CACNA2D3: variants seen among roughly 807,000 people sequenced by gnomAD.
The protein encoded by CACNA2D3 is voltage-dependent calcium channel subunit alpha-2/delta-3.
A neutral mutation model predicts 160.6 loss-of-function variants in CACNA2D3; 60 were observed. The observed-to-expected ratio is 0.37, with a 90% CI of 0.30 to 0.46. The LOEUF is 0.46. Among genes scored for constraint, CACNA2D3 ranks in the 20% least tolerant of loss-of-function variants. The pLI is 1.00. For missense variants in CACNA2D3, 1,205 were observed against 1,365.0 expected, an observed-to-expected ratio of 0.88 and a Z score of 1.85; for synonymous variants, 558 against 492.9, an observed-to-expected ratio of 1.13 and a Z score of -1.75.
intron 35 of CACNA2D3, among the ~76,000 whole-genome samples, chr3:55,039,714 C>G (rs994554107): frequency 6.6e-6 from 1 of 152,118 alleles, no homozygotes; most frequent in African/African-American, 2.4e-5. Flanking sequence ...TTCAAGGGAG[C>G]CTTGGTTTTG....
chr3:54,944,909 G>C (rs535362806), intron 27 of CACNA2D3, among the ~76,000 whole-genome samples: 1 of 151,762 alleles, frequency 6.6e-6, no homozygotes, highest in Non-Finnish European at 1.5e-5. Flanking sequence ...CAAGGTGAAG[G>C]CTCTCCCCAA....
At chr3:54,162,228 A>G (rs1700359201) in intron 2 of CACNA2D3, among the ~76,000 whole-genome samples, 1 of 152,190 alleles carries the variant, frequency 6.6e-6, no homozygotes, top group African/African-American at 2.4e-5. Flanking sequence ...TCATTGCGAA[A>G]AATAACCATT....
chr3:54,721,112 T>C (rs1424633264), intron 11 of CACNA2D3, among the ~76,000 whole-genome samples: 2 of 152,180 alleles, frequency 1.3e-5, no homozygotes, highest in African/African-American at 4.8e-5. Context: ...TTATAACATT[T>C]ATTCTCAATT....
chr3:54,271,073 CTGG>C (rs1420508607), intron 2 of CACNA2D3, among the ~76,000 whole-genome samples: 5 of 152,300 alleles, frequency 3.3e-5, no homozygotes, highest in African/African-American at 4.8e-5. Context: ...TAAGTGACAG[CTGG>C]TGGTAACAGA....
intron 2 of CACNA2D3, among the ~76,000 whole-genome samples, chr3:54,249,768 T>G (rs1243897992): frequency 1.4e-5 from 2 of 146,692 alleles, no homozygotes; most frequent in African/African-American, 5.1e-5. Flanking sequence ...AATTATGTTT[T>G]TTTTTTTTTT....
At chr3:54,471,173 C>T (rs1391095371) in intron 4 of CACNA2D3, among the ~76,000 whole-genome samples, 1 of 152,196 alleles carries the variant, frequency 6.6e-6, no homozygotes, top group Non-Finnish European at 1.5e-5. Context: ...AAACACTCCT[C>T]AGCAAATGCA....
chr3:54,849,231 GT>G (rs1025287100), intron 17 of CACNA2D3, among the ~76,000 whole-genome samples: 1 of 152,164 alleles, frequency 6.6e-6, no homozygotes. Flanking sequence ...AAGGTTGTTT[GT>G]TTGTTTTAAA....
chr3:54,692,621 G>A (rs572237463), intron 11 of CACNA2D3, among the ~76,000 whole-genome samples: 82 of 152,250 alleles, frequency 5.4e-4, no homozygotes, highest in African/African-American at 1.7e-3. Context: ...TGGATCCTAC[G>A]AAAATTTCTT....
chr3:54,801,125 T>TA (rs1167016904), intron 13 of CACNA2D3, among the ~76,000 whole-genome samples: 37 of 152,026 alleles, frequency 2.4e-4, no homozygotes, highest in South Asian at 2.1e-4. Flanking sequence ...TAGCTGGGAC[T>TA]ATAGGCACCC....
At chr3:54,745,244 G>A (rs946711390) in intron 11 of CACNA2D3, among the ~76,000 whole-genome samples, 27 of 151,948 alleles carry the variant, frequency 1.8e-4, no homozygotes, top group East Asian at 5.8e-4. Flanking sequence ...CAGGCTTAGC[G>A]TTGGACAGTC....
rs1310274532 is a variant in CACNA2D3 at position 54,452,469 on chromosome 3, G to A, written c.382-51023G>A. Among the ~76,000 whole-genome samples, 3 of 152,152 alleles carry A rather than the reference G, an allele frequency of 2.0e-5. No individual in the cohort carries two copies. The East Asian group carries it at 5.8e-4, about 29-fold the overall frequency. On this transcript the variant is annotated intron_variant, in intron 4 of 37. Transcript: ENST00000474759. ...ATGTGTCTTCTGTAAGATGATAGTA[G>A]CTCTTTCTACAGTTTTCTTTCTGAA...
chr3:54,541,717 A>G (rs949414484), intron 5 of CACNA2D3, among the ~76,000 whole-genome samples: 2 of 152,214 alleles, frequency 1.3e-5, no homozygotes, highest in Non-Finnish European at 2.9e-5. Flanking sequence ...AAGAAAGATC[A>G]TGAAGGATGA....
In CACNA2D3 at chr3:54,570,115, C is replaced by T. The variant is rs767334425; in HGVS notation, c.888+11C>T. 1.9e-5 allele frequency: 30 copies of T among 1,608,774 alleles called. No homozygotes were observed. The highest frequency in any genetic ancestry group is 8.4e-5 in the Admixed American group (5 of 59,788). The stretch of plus-strand genomic sequence containing the variant: ...TTCAACATAATTGCTGTGAGTGCAC[C>T]GTTTTGTGCCTTCTTTGCACTTGGG... On this transcript the variant is annotated intron_variant, in intron 8 of 37. Coordinates refer to ENST00000474759, the MANE Select transcript of CACNA2D3 (RefSeq NM_018398.3).
At chr3:54,936,123 A>G (rs1323986806) in intron 27 of CACNA2D3, among the ~76,000 whole-genome samples, 4 of 151,920 alleles carry the variant, frequency 2.6e-5, no homozygotes, top group African/African-American at 9.7e-5. Context: ...TTGCAGATTT[A>G]TGGAAAGGGT....
intron 5 of CACNA2D3, among the ~76,000 whole-genome samples, chr3:54,511,073 ACT>A (rs1701451117): frequency 6.6e-6 from 1 of 151,418 alleles, no homozygotes; most frequent in Non-Finnish European, 1.5e-5. Context: ...AGGATTCCAG[ACT>A]CTCTGAAGAC....
intron 4 of CACNA2D3, among the ~76,000 whole-genome samples, chr3:54,464,208 CTTGGGGG>C (rs1474666512): frequency 6.6e-6 from 1 of 152,192 alleles, no homozygotes; most frequent in Admixed American, 6.5e-5. Context: ...AGTTAGGCTG[CTTGGGGG>C]TCAGGGGTCA....
chr3:54,489,232 G>T (rs562778604), intron 4 of CACNA2D3, among the ~76,000 whole-genome samples: 17 of 152,316 alleles, frequency 1.1e-4, no homozygotes, highest in African/African-American at 3.8e-4. Flanking sequence ...GCCCACTCAG[G>T]TTGGTATTTC....
chr3:54,819,615 G>C (rs548313218), intron 14 of CACNA2D3, among the ~76,000 whole-genome samples: 41 of 152,276 alleles, frequency 2.7e-4, no homozygotes, highest in African/African-American at 9.4e-4. Flanking sequence ...GGGAGGCCGA[G>C]GCAGGTGGAT....
At chr3:54,631,546 GCA>G (rs920983360) in intron 10 of CACNA2D3, among the ~76,000 whole-genome samples, 3 of 151,732 alleles carry the variant, frequency 2.0e-5, no homozygotes, top group Middle Eastern at 3.4e-3. Context: ...ACATATACAC[GCA>G]CACACACACG....
Sources: allele counts gnomAD v4.1 joint callset (sites outside exome capture counted in the v4.1 genomes callset), GRCh38; gene constraint gnomAD v4.1.1; transcripts MANE v1.5; gene names NCBI Gene and HGNC (gene_info 2026-07-23, HGNC 2026-07-21).